The following TTC34 variants were observed in gnomAD, a reference collection of about 807,000 sequenced individuals.
The protein encoded by TTC34 is tetratricopeptide repeat domain 34, also known as tetratricopeptide repeat protein 34.
Under a neutral mutation model 40.7 loss-of-function variants are expected in TTC34, and 44 were observed. That is an observed-to-expected ratio of 1.08 (90% confidence interval 0.85 to 1.39). The LOEUF (loss-of-function observed/expected upper bound fraction) is 1.39. Ranked by LOEUF, TTC34 falls within the 40% of genes most tolerant of loss-of-function variation. The pLI is 0.00. For synonymous variants in TTC34, 422 were observed against 398.6 expected (o/e 1.06, Z -0.70); for missense variants, 884 against 838.0 (o/e 1.05, Z -0.68).
chr1:2,691,913 G>C (rs1279618685), intron 6 of TTC34, among the ~76,000 whole-genome samples: 1 of 73,716 alleles, frequency 1.4e-5, no homozygotes, highest in African/African-American at 4.4e-5. Context: ...ACACCCAGGT[G>C]AGCATCTGAC....
In TTC34 at chr1:2,645,915, A is replaced by G. The variant is rs541238203; in HGVS notation, c.2227-352T>C. Among the ~76,000 whole-genome samples, 1 of 152,004 alleles carries G rather than the reference A, an allele frequency of 6.6e-6. No homozygotes were observed. Among genetic ancestry groups the G allele is most frequent in the Non-Finnish European group, 1.5e-5 (1 of 68,002 alleles). ...TGGGTCCCTCGCTCTCCCAGCTTGT[A>G]GCTGGCTCCCTCCACGCCTGTCCCT... On this transcript the variant is annotated intron_variant, in intron 6 of 8. Transcript: ENST00000401095. The surrounding 1 kb of genome is among the most constrained non-coding windows in gnomAD (Gnocchi z 4.7).
intron 6 of TTC34, among the ~76,000 whole-genome samples, chr1:2,768,503 AGG>A (rs1221255032): frequency 6.6e-6 from 1 of 151,314 alleles, no homozygotes; most frequent in Non-Finnish European, 1.5e-5. Flanking sequence ...CCCCGCCCTC[AGG>A]TGAGTGTCTG....
intron 6 of TTC34, among the ~76,000 whole-genome samples, chr1:2,653,655 G>T (rs1639232204): frequency 2.6e-5 from 4 of 151,464 alleles, no homozygotes; most frequent in Non-Finnish European, 5.9e-5. Flanking sequence ...CACACCCCCA[G>T]GCGAGCATCT....
chr1:2,700,216 A>T (rs1641068102), intron 6 of TTC34, among the ~76,000 whole-genome samples: 2 of 75,020 alleles, frequency 2.7e-5, no homozygotes, highest in Non-Finnish European at 3.1e-5. Context: ...CGACCCCCCC[A>T]GGGTGAGCAT....
intron 6 of TTC34, among the ~76,000 whole-genome samples, chr1:2,750,217 T>A (rs1641269707): frequency 6.6e-6 from 1 of 150,558 alleles, no homozygotes; most frequent in Non-Finnish European, 1.5e-5. Flanking sequence ...CAGGTGCGCA[T>A]CTGATGGTCT....
At chr1:2,683,334 T>G (rs1261753024) in intron 6 of TTC34, among the ~76,000 whole-genome samples, 5 of 147,844 alleles carry the variant, frequency 3.4e-5, no homozygotes, top group Admixed American at 3.4e-4. Context: ...TCTGACAGAC[T>G]GGAACACCAC....
chr1:2,687,915 C>T (rs1336481627), intron 6 of TTC34, among the ~76,000 whole-genome samples: 1 of 137,858 alleles, frequency 7.3e-6, no homozygotes, highest in Non-Finnish European at 1.6e-5. Flanking sequence ...CAGACTGGAA[C>T]AGCACCCACA....
intron 6 of TTC34, among the ~76,000 whole-genome samples, chr1:2,755,653 G>A (rs1211726822): frequency 1.7e-5 from 2 of 120,852 alleles, no homozygotes; most frequent in East Asian, 5.6e-4. Context: ...GTCTGGAGCA[G>A]CACCCACAAC....
chr1:2,639,831 C>T (rs146933924), exon 9 of TTC34: 587 of 152,568 alleles, frequency 3.8e-3, no homozygotes, highest in Non-Finnish European at 6.1e-3. Context: ...TTACCCAGAC[C>T]CCTGTGGCCA....
chr1:2,748,923 C>A (rs1641230332), intron 6 of TTC34, among the ~76,000 whole-genome samples: 1 of 117,478 alleles, frequency 8.5e-6, no homozygotes, highest in Non-Finnish European at 1.7e-5. Context: ...ACCCACACCG[C>A]CAGGGGAGTA....
At chr1:2,754,774 C>A (rs1641448049) in intron 6 of TTC34, among the ~76,000 whole-genome samples, 1 of 151,312 alleles carries the variant, frequency 6.6e-6, no homozygotes, top group African/African-American at 2.4e-5. Context: ...GAGCAGCACC[C>A]ACACCCACAG....
chr1:2,783,659 G>C (rs1409939453), exon 6 of TTC34: 1 of 1,531,324 alleles, frequency 6.5e-7, no homozygotes, highest in African/African-American at 1.4e-5. Flanking sequence ...CACAGTGCCT[G>C]CACGTTCCCC....
intron 6 of TTC34, among the ~76,000 whole-genome samples, chr1:2,687,937 G>A (rs1194676339): frequency 6.9e-6 from 1 of 145,558 alleles, no homozygotes; most frequent in African/African-American, 2.6e-5. Context: ...GCCCAGGTGA[G>A]CCTCTGACAG....
At chr1:2,675,419 A>T in intron 6 of TTC34, among the ~76,000 whole-genome samples, 1 of 122,960 alleles carries the variant, frequency 8.1e-6, no homozygotes, top group African/African-American at 2.9e-5. Flanking sequence ...TGAGCATCTG[A>T]CAGCCTGGAA....
chr1:2,677,935 C>T (rs1181994465), intron 6 of TTC34, among the ~76,000 whole-genome samples: 6 of 38,438 alleles, frequency 1.6e-4, no homozygotes, highest in Admixed American at 2.9e-4. Context: ...CCCTGCACCC[C>T]CAGGTGAGCA....
chr1:2,657,319 C>T (rs1315620375), intron 6 of TTC34, among the ~76,000 whole-genome samples: 5 of 118,682 alleles, frequency 4.2e-5, no homozygotes. Context: ...GAGCATCTGA[C>T]AGCATGGAGC....
intron 6 of TTC34, among the ~76,000 whole-genome samples, chr1:2,688,053 G>A (rs1640448089): frequency 2.1e-5 from 3 of 142,464 alleles, no homozygotes; most frequent in Non-Finnish European, 3.1e-5. Flanking sequence ...ACACCCCCAG[G>A]TAAGCATCTG....
Position 2,685,121 on chromosome 1 carries a change from C to T in TTC34, c.2227-39558G>A, listed in dbSNP as rs1168910812. 2.1e-4 allele frequency among the ~76,000 whole-genome samples: 29 copies of T among 139,618 alleles called. 1 individual carries two copies. Among genetic ancestry groups the T allele is most frequent in the African/African-American group, 8.1e-4 (28 of 34,356 alleles). The allele number at this position is 139,618 out of a possible 152,430, so 91.6% of individuals were successfully genotyped here. On this transcript the variant is annotated intron_variant, in intron 6 of 8. Transcript: ENST00000401095. ...ACAGCTTGGATCAGCACCCACACCC[C>T]CAGGCGAGCATCGGACGGCCTGGAA... is the stretch of plus-strand genomic sequence containing the variant.
chr1:2,695,905 G>A (rs150470371), intron 6 of TTC34, among the ~76,000 whole-genome samples: 2,587 of 41,558 alleles, frequency 0.062, 2 homozygotes, highest in Non-Finnish European at 0.092. Flanking sequence ...AGCCTGGGTC[G>A]GCACCCACAC....
Sources: allele counts gnomAD v4.1 joint callset (sites outside exome capture counted in the v4.1 genomes callset), GRCh38; gene constraint gnomAD v4.1.1; non-coding constraint Gnocchi (gnomAD v3.1); transcripts MANE v1.5; gene names NCBI Gene and HGNC (gene_info 2026-07-23, HGNC 2026-07-21).